Variants in SHANK1 observed in about 807,000 individuals in gnomAD.
SHANK1 encodes the protein SH3 and multiple ankyrin repeat domains 1.
SHANK1 carries 35 observed loss-of-function variants against 165.6 expected under a neutral mutation model. The ratio of observed to expected loss-of-function variants is 0.21; its 90% CI spans 0.16 to 0.28. The LOEUF (loss-of-function observed/expected upper bound fraction) is 0.28, where lower values mean the gene tolerates loss of function less well. SHANK1 is among the 10% of genes least tolerant of loss of function. The probability of loss-of-function intolerance (pLI) is 1.00; values close to 1 mark genes in which losing one functional copy is unlikely to be tolerated. For synonymous variants in SHANK1, 1,428 were observed against 1,384.8 expected (o/e 1.03, Z -0.69); for missense variants, 2,681 against 3,036.4 (o/e 0.88, Z 2.75).
rs1599865792 is a variant in SHANK1 at position 50,702,707 on chromosome 19, A to G, written c.1554-47T>C. On this transcript the variant is annotated intron_variant, in intron 11 of 23. Coordinates refer to ENST00000293441, the MANE Select transcript of SHANK1 (RefSeq NM_016148.5). This position sits in a 1 kb window ranked among gnomAD's most constrained non-coding sequence, Gnocchi z 5.3. ...GAGGAGGGGAGGGTGGAGGGAGGGGACACCTCTGGGAGGACAGGGGTCCTT... is the reference window on the plus strand; with the variant it reads ...GAGGAGGGGAGGGTGGAGGGAGGGGGCACCTCTGGGAGGACAGGGGTCCTT... The G allele has an allele frequency of 7.5e-7, 1 of 1,325,060 alleles. No homozygotes were observed. Among genetic ancestry groups the G allele is most frequent in the African/African-American group, 1.6e-5 (1 of 61,388 alleles). The allele number at this position is 1,325,060 out of a possible 1,614,324, so 82.1% of individuals were successfully genotyped here.
chr19:50,702,406 C>T lies in SHANK1; in HGVS notation c.1747+61G>A, dbSNP rs1986946269. ...CGAGAATGGTCTGCTCTCTGCTCCA[C>T]ATTTTCCCTGATCGCCCCCACAGCC... On this transcript the variant is annotated intron_variant, in intron 12 of 23. Coordinates refer to ENST00000293441, the MANE Select transcript of SHANK1 (RefSeq NM_016148.5). The surrounding 1 kb of genome is among the most constrained non-coding windows in gnomAD (Gnocchi z 5.3). 1 of 1,474,218 alleles carries T rather than the reference C, an allele frequency of 6.8e-7. No homozygotes were observed. Among genetic ancestry groups the T allele is most frequent in the Non-Finnish European group, 9.2e-7 (1 of 1,088,622 alleles). The allele number at this position is 1,474,218 out of a possible 1,614,324, so 91.3% of individuals were successfully genotyped here.
At chr19:50,689,307 G>T (rs773228045) in intron 15 of SHANK1, 28 bp from the exon 16 acceptor site, 2 of 1,470,942 alleles carry the variant, frequency 1.4e-6, no homozygotes, top group Non-Finnish European at 1.9e-6. Context: ...GAAATGGGGG[G>T]GTGGTGGGGG....
chr19:50,672,055 A>C lies in SHANK1; in HGVS notation c.2637T>G (p.Pro879=), dbSNP rs1251889849. The change falls in exon 22 of 24, where the codon CCT becomes CCG. Residue 879 remains proline (P), a synonymous_variant. Coordinates refer to ENST00000293441, the MANE Select transcript of SHANK1 (RefSeq NM_016148.5). ...QPSYERPSFL[P]PGPGLMLRQK... is the part of the protein sequence containing the mutation. ...GCCGGAGCATCAACCCAGGTCCTGG[A>C]GGCAGGAAAGAAGGACGCTCGTAAC... 2 of 1,613,910 alleles carry C rather than the reference A, an allele frequency of 1.2e-6. No individual in the cohort carries two copies. The highest frequency in any genetic ancestry group is 1.7e-6 in the Non-Finnish European group (2 of 1,179,942).
At chr19:50,706,175 TG>T (rs1355814805) in intron 8 of SHANK1, among the ~76,000 whole-genome samples, 5 of 91,782 alleles carry the variant, frequency 5.4e-5, no homozygotes, top group Admixed American at 1.1e-4. Flanking sequence ...AAGGGGGGGT[TG>T]GGGGGGCTCA....
chr19:50,672,903 C>A (rs1008007959), intron 21 of SHANK1, among the ~76,000 whole-genome samples: 7 of 152,150 alleles, frequency 4.6e-5, no homozygotes, highest in African/African-American at 1.7e-4. Flanking sequence ...ACCAAACTCC[C>A]AACTCTGGTC....
In SHANK1 at chr19:50,667,568, C is replaced by T; in HGVS notation, c.4392G>A (p.Thr1464=). The stretch of plus-strand genomic sequence containing the variant: ...CTCCGGGGTGCGGGGCCGGGGGCTC[C>T]GTCCCCAGCTGCAGCAGGAGGGGCC... ...GVGPLLLQLG[T]EPPAPHPGVS... is the part of the protein sequence containing the mutation. The change falls in exon 23 of 24, where the codon ACG becomes ACA. Residue 1464 remains threonine (T), a synonymous_variant. Coordinates refer to ENST00000293441, the MANE Select transcript of SHANK1 (RefSeq NM_016148.5). The surrounding 1 kb of genome is among the most constrained non-coding windows in gnomAD (Gnocchi z 5.7). 1.4e-6 allele frequency: 2 copies of T among 1,447,616 alleles called. No individual in the cohort carries two copies. Among genetic ancestry groups the T allele is most frequent in the Non-Finnish European group, 1.8e-6 (2 of 1,111,798 alleles). The allele number at this position is 1,447,616 out of a possible 1,614,324, so 89.7% of individuals were successfully genotyped here.
intron 3 of SHANK1, 104 bp from the exon 4 acceptor site, chr19:50,715,834 C>T (rs1255946893): frequency 3.2e-5 from 36 of 1,130,406 alleles, no homozygotes; most frequent in African/African-American, 2.8e-4. Flanking sequence ...TCTAATTCCC[C>T]GGGGTAGCTC....
chr19:50,694,020 C>A (rs1599859438), intron 15 of SHANK1, among the ~76,000 whole-genome samples: 1 of 7,788 alleles, frequency 1.3e-4, no homozygotes, highest in African/African-American at 5.4e-4. Flanking sequence ...CAGCACACAC[C>A]ACACACACAC....
At chr19:50,709,800 C>G (rs2088986393) in intron 8 of SHANK1, among the ~76,000 whole-genome samples, 2 of 152,220 alleles carry the variant, frequency 1.3e-5, no homozygotes, top group African/African-American at 4.8e-5. Flanking sequence ...ATCCTCCTGC[C>G]TTAGCCTCCC....
At chr19:50,701,721 G>C (rs1339146158) in intron 12 of SHANK1, among the ~76,000 whole-genome samples, 2 of 152,138 alleles carry the variant, frequency 1.3e-5, no homozygotes, top group Non-Finnish European at 2.9e-5. Flanking sequence ...GGGCAGCCTA[G>C]AGTCTGGCAA....
intron 4 of SHANK1, among the ~76,000 whole-genome samples, chr19:50,715,168 C>T (rs187175013): frequency 7.3e-5 from 11 of 151,642 alleles, no homozygotes; most frequent in Non-Finnish European, 1.0e-4. Flanking sequence ...TGAGGACTGG[C>T]GGGCAAGGTA....
Position 50,659,992 on chromosome 19 carries a change from A to T in SHANK1, c.*1973T>A, listed in dbSNP as rs1334671875. ...TTCCCCGCAGATCCCTGACATGGTGAGGGGAGGGGGCTTGCAGCCCCCTCC... is the reference window on the plus strand; with the variant it reads ...TTCCCCGCAGATCCCTGACATGGTGTGGGGAGGGGGCTTGCAGCCCCCTCC... On this transcript the variant is annotated 3_prime_UTR_variant, in exon 24 of 24. Coordinates refer to ENST00000293441, the MANE Select transcript of SHANK1 (RefSeq NM_016148.5). Among the ~76,000 whole-genome samples the T allele has an allele frequency of 6.7e-6, 1 of 149,742 alleles. No individual in the cohort carries two copies. The highest frequency in any genetic ancestry group is 2.5e-5 in the African/African-American group (1 of 40,552).
rs1007637741 is a variant in SHANK1, at chr19:50,662,037, G to A, written c.6414C>T (p.Val2138=). 6.2e-6 allele frequency: 10 copies of A among 1,614,032 alleles called. No homozygotes were observed. In the East Asian group the frequency reaches 1.1e-4, roughly 18 times the overall value. The part of the protein sequence containing the change: ...HLPALTKEDY[V]DLGVTRVGHR... ...GGCCCACCCTGGTCACACCTAGATCGACGTAGTCCTCCTTGGTCAAGGCGG... is the reference window on the plus strand; with the variant it reads ...GGCCCACCCTGGTCACACCTAGATCAACGTAGTCCTCCTTGGTCAAGGCGG... Residue 2138 remains valine, a synonymous_variant, in exon 24 of 24, where the codon GTC becomes GTT. Coordinates refer to ENST00000293441, the MANE Select transcript of SHANK1 (RefSeq NM_016148.5). This position sits in a 1 kb window ranked among gnomAD's most constrained non-coding sequence, Gnocchi z 7.7.
chr19:50,710,201 G>A (rs2088991675), intron 8 of SHANK1, among the ~76,000 whole-genome samples: 1 of 152,188 alleles, frequency 6.6e-6, no homozygotes, highest in South Asian at 2.1e-4. Context: ...GGAGCACGTG[G>A]GGAGAGAAGT....
intron 8 of SHANK1, among the ~76,000 whole-genome samples, chr19:50,709,385 C>A (rs910087380): frequency 3.9e-5 from 6 of 152,134 alleles, no homozygotes; most frequent in Admixed American, 6.5e-5. Flanking sequence ...TAGTGATCCG[C>A]CCGCCTCGGC....
In SHANK1 at chr19:50,672,021, T is replaced by C. The variant is rs764489406; in HGVS notation, c.2671A>G (p.Ile891Val). The C allele has an allele frequency of 6.2e-7, 1 of 1,611,996 alleles. No individual in the cohort carries two copies. The highest frequency in any genetic ancestry group is 8.5e-7 in the Non-Finnish European group (1 of 1,178,480). The stretch of plus-strand genomic sequence containing the variant: ...TCTCTTCTTCTGGGTGGCATACCGA[T>C]AGATTTTTGCCGGAGCATCAACCCA... ...GPGLMLRQKS[I>V]GAAEDDRPYL... Residue 891 changes from isoleucine to valine, a missense_variant, in exon 22 of 24, where the codon ATC becomes GTC. Ile to Val is a conservative substitution (Grantham distance 29, BLOSUM62 3). Transcript: ENST00000293441.
rs919533059 is a variant in SHANK1 at position 50,660,121 on chromosome 19, G to C, written c.*1844C>G. Among the ~76,000 whole-genome samples, 2 of 151,200 alleles carry C rather than the reference G, an allele frequency of 1.3e-5. No individual in the cohort carries two copies. Among genetic ancestry groups the C allele is most frequent in the South Asian group, 2.1e-4 (1 of 4,790 alleles). Reference sequence around the variant, plus strand: ...TCCCTTCTTTGGCAGCTGAACATGGGGGGGGGACCTGAGGGCAACGCCCTC... The same window carrying C: ...TCCCTTCTTTGGCAGCTGAACATGGCGGGGGGACCTGAGGGCAACGCCCTC... On this transcript the variant is annotated 3_prime_UTR_variant, in exon 24 of 24. Transcript: ENST00000293441.
intron 23 of SHANK1, chr19:50,663,282 C>CAG (rs36069296): frequency 0.43 from 65,999 of 152,740 alleles, 15,647 homozygotes; most frequent in African/African-American, 0.63. Context: ...ACAGGGGACA[C>CAG]AGAGAGAGAG....
At chr19:50,714,329 G>A (rs757218039) in intron 4 of SHANK1, 39 bp from the exon 5 acceptor site, 5 of 1,578,986 alleles carry the variant, frequency 3.2e-6, no homozygotes, top group Non-Finnish European at 1.7e-6. Flanking sequence ...AGGACAGTCA[G>A]GAGCAAGGCA....
Sources: allele counts gnomAD v4.1 joint callset (sites outside exome capture counted in the v4.1 genomes callset), GRCh38; gene constraint gnomAD v4.1.1; non-coding constraint Gnocchi (gnomAD v3.1); transcripts MANE v1.5; gene names NCBI Gene and HGNC (gene_info 2026-07-23, HGNC 2026-07-21).